Variants in CRHR2 observed in about 807,000 individuals in gnomAD.
The protein encoded by CRHR2 is corticotropin releasing hormone receptor 2, also known as corticotropin-releasing hormone receptor 2.
Under a neutral mutation model 57.9 loss-of-function variants are expected in CRHR2, and 53 were observed. The ratio of observed to expected loss-of-function variants is 0.92; its 90% confidence interval spans 0.73 to 1.15. The LOEUF (loss-of-function observed/expected upper bound fraction) is 1.15. Among genes scored for constraint, CRHR2 ranks in the 50% most tolerant of loss-of-function variants. The pLI, the probability that CRHR2 is intolerant of heterozygous loss-of-function variation, is 0.00. For synonymous variants in CRHR2, 213 were observed against 220.9 expected (o/e 0.96, Z 0.32); for missense variants, 532 against 542.6 (o/e 0.98, Z 0.19).
intron 1 of CRHR2, among the ~76,000 whole-genome samples, chr7:30,693,768 A>G (rs187418120): frequency 1.4e-4 from 22 of 152,284 alleles, no homozygotes; most frequent in Admixed American, 1.4e-3. Context: ...GGAAGATAGC[A>G]TCAGAATTGA....
chr7:30,668,999 G>A (rs1163638896), intron 2 of CRHR2, among the ~76,000 whole-genome samples: 1 of 152,220 alleles, frequency 6.6e-6, no homozygotes, highest in Non-Finnish European at 1.5e-5. Flanking sequence ...CTCAACTCGT[G>A]AGGGTCAGTG....
chr7:30,674,686 A>G lies in CRHR2; in HGVS notation c.229+7229T>C, dbSNP rs960514846. Among the ~76,000 whole-genome samples the G allele has an allele frequency of 2.0e-5, 3 of 152,054 alleles. No individual in the cohort carries two copies. The East Asian group carries it at 5.8e-4, about 29-fold the overall frequency. ...TGCCTTTCTCTACAGGCTTTTAGGT[A>G]CCAGACCTTCTCAATCTAGATAGAC... On this transcript the variant is annotated intron_variant, in intron 2 of 11. Coordinates refer to ENST00000471646, the MANE Select transcript of CRHR2 (RefSeq NM_001883.5).
intron 10 of CRHR2, 70 bp from the exon 11 acceptor site, chr7:30,655,150 A>G (rs2128139120): frequency 6.7e-7 from 1 of 1,493,784 alleles, no homozygotes; most frequent in Non-Finnish European, 9.2e-7. Flanking sequence ...GTGGGGTGGC[A>G]CTGGGGACAA....
At position 30,653,758 on chromosome 7, in the gene CRHR2, C is replaced by T. The variant is rs944570711; in HGVS notation, c.1096-158G>A. Among the ~76,000 whole-genome samples the T allele has an allele frequency of 3.9e-5, 6 of 152,164 alleles. 1 individual carries two copies. Among genetic ancestry groups the T allele is most frequent in the Admixed American group, 3.9e-4 (6 of 15,280 alleles). On this transcript the variant is annotated intron_variant, in intron 11 of 11. Transcript: ENST00000471646. The surrounding 1 kb of genome is among the most constrained non-coding windows in gnomAD (Gnocchi z 5.0). ...AGGTCCTTCCCTGATGCTGTTGCCT[C>T]TCTCCAGGGGCCTCTTCCTTATCCT... is the stretch of plus-strand genomic sequence containing the variant.
At chr7:30,689,618 G>T (rs1239673623) in intron 1 of CRHR2, among the ~76,000 whole-genome samples, 1 of 119,300 alleles carries the variant, frequency 8.4e-6, no homozygotes, top group African/African-American at 3.1e-5. Flanking sequence ...TGGGTGGGGG[G>T]TGGGTTCCAT....
intron 1 of CRHR2, among the ~76,000 whole-genome samples, chr7:30,691,931 G>GACAT (rs1784969506): frequency 6.6e-6 from 1 of 152,210 alleles, no homozygotes; most frequent in African/African-American, 2.4e-5. Flanking sequence ...GTCAGGGACA[G>GACAT]ACATATCTTG....
Position 30,653,650 on chromosome 7 carries a change from T to A in CRHR2, c.1096-50A>T. On this transcript the variant is annotated intron_variant, in intron 11 of 11. Transcript: ENST00000471646. This position sits in a 1 kb window ranked among gnomAD's most constrained non-coding sequence, Gnocchi z 5.0. ...TGGCTCCCAGGGACCAACCCTGGGC[T>A]TCTGGGACCATCCCCTCCTCTGCTT... The A allele has an allele frequency of 6.5e-7, 1 of 1,547,276 alleles. No homozygotes were observed. The highest frequency in any genetic ancestry group is 8.7e-7 in the Non-Finnish European group (1 of 1,153,466).
chr7:30,682,103 G>T lies in CRHR2; in HGVS notation c.104-63C>A, dbSNP rs900776211. ...CCCGCAGGGACGCGGGGCTCTCGGA[G>T]CGCGGGGTCAGGGGCGCACCCAGCG... On this transcript the variant is annotated intron_variant, in intron 1 of 11. Transcript: ENST00000471646. 17 of 1,540,366 alleles carry T rather than the reference G, an allele frequency of 1.1e-5. No individual in the cohort carries two copies. The Admixed American group carries it at 3.5e-4, about 32-fold the overall frequency.
At chr7:30,686,590 C>G (rs1213200011), upstream of CRHR2, 2 of 1,421,378 alleles carry the variant, frequency 1.4e-6, no homozygotes, top group Admixed American at 2.0e-5. Flanking sequence ...AGGCAGATTG[C>G]TTGAGCACAG....
chr7:30,689,325 GCTAGCCATTGACAGTGCCTGT>G, intron 1 of CRHR2: 1 of 1,505,226 alleles, frequency 6.6e-7, no homozygotes, highest in Non-Finnish European at 9.0e-7. Context: ...TCAGGCCCAG[GCTAGCCATTGACAGTGCCTGT>G]CTGCCCCCAT....
intron 2 of CRHR2, among the ~76,000 whole-genome samples, chr7:30,687,771 A>C (rs903482087): frequency 1.3e-5 from 2 of 152,212 alleles, no homozygotes; most frequent in Non-Finnish European, 2.9e-5. Context: ...GGGAGGGCAG[A>C]GGAAGGCAGG....
intron 2 of CRHR2, 83 bp downstream of exon 2, chr7:30,681,832 T>C: frequency 2.7e-6 from 4 of 1,498,422 alleles, no homozygotes. Flanking sequence ...TTTGTACCGC[T>C]GGGTCCGGAA....
intron 2 of CRHR2, among the ~76,000 whole-genome samples, chr7:30,687,989 A>G (rs1480061945): frequency 2.0e-5 from 3 of 152,212 alleles, no homozygotes; most frequent in African/African-American, 7.2e-5. Flanking sequence ...CTAGCTTCAG[A>G]TGGTGTCACA....
chr7:30,691,318 G>T (rs1327476026), intron 1 of CRHR2, among the ~76,000 whole-genome samples: 1 of 152,246 alleles, frequency 6.6e-6, no homozygotes, highest in East Asian at 1.9e-4. Flanking sequence ...CCAGAGGCAT[G>T]CAGTGTCCAC....
At position 30,662,279 on chromosome 7, in the gene CRHR2, A is replaced by G. The variant is rs1226323564; in HGVS notation, c.698-63T>C. On this transcript the variant is annotated intron_variant, in intron 6 of 11. Coordinates refer to ENST00000471646, the MANE Select transcript of CRHR2 (RefSeq NM_001883.5). ...GGACAGGGACTTTCTTGTAGGACATACCGTGGGGTACCACAACAGGGCTAG... is the reference window on the plus strand; with the variant it reads ...GGACAGGGACTTTCTTGTAGGACATGCCGTGGGGTACCACAACAGGGCTAG... The G allele has an allele frequency of 1.7e-5, 27 of 1,560,878 alleles. No homozygotes were observed. The Admixed American group carries it at 4.5e-4, about 26-fold the overall frequency.
intron 8 of CRHR2, among the ~76,000 whole-genome samples, chr7:30,659,296 C>T (rs1783905277): frequency 6.6e-6 from 1 of 152,168 alleles, no homozygotes; most frequent in African/African-American, 2.4e-5. Flanking sequence ...GCGTTCCTCG[C>T]CTCCCTTTCT....
intron 2 of CRHR2, among the ~76,000 whole-genome samples, chr7:30,678,548 C>G (rs1300778362): frequency 2.0e-5 from 3 of 152,158 alleles, no homozygotes; most frequent in Non-Finnish European, 4.4e-5. Context: ...TAAGATGGCT[C>G]AAGGCTCTGA....
intron 1 of CRHR2, among the ~76,000 whole-genome samples, chr7:30,689,867 T>C (rs1048858033): frequency 1.3e-5 from 2 of 152,146 alleles, no homozygotes; most frequent in African/African-American, 4.8e-5. Context: ...GTGCCTAACC[T>C]GGATTCAGGA....
In CRHR2 at chr7:30,655,609, A is replaced by G; in HGVS notation, c.1024T>C (p.Tyr342His). 6.2e-7 allele frequency: 1 copy of G among 1,614,050 alleles called. No individual in the cohort carries two copies. Among genetic ancestry groups the G allele is most frequent in the Non-Finnish European group, 8.5e-7 (1 of 1,179,930 alleles). ...AACGACTGCAGGAAGGAGTTGAAAT[A>G]GATGAACATGATCTGTGACAGGTCG... The part of the protein sequence containing the change: ...EDDLSQIMFI[Y>H]FNSFLQSFQG... The change falls in exon 10 of 12, where the codon TAT becomes CAT. Residue 342 changes from tyrosine to histidine, a missense_variant. Physicochemically the swap from Tyr to His is moderately conservative, Grantham distance 83. Coordinates refer to ENST00000471646, the MANE Select transcript of CRHR2 (RefSeq NM_001883.5).
Sources: gnomAD v4.1 joint callset for allele counts (sites outside exome capture counted in the v4.1 genomes callset) on GRCh38, gnomAD v4.1.1 for gene constraint, Gnocchi (gnomAD v3.1) non-coding constraint, MANE v1.5 for transcripts, NCBI Gene and HGNC (gene_info 2026-07-23, HGNC 2026-07-21) for gene names.